NAALAD2: variants seen among roughly 807,000 people sequenced by gnomAD.
NAALAD2 encodes N-acetylated-alpha-linked acidic dipeptidase 2.
A neutral mutation model predicts 95.6 loss-of-function variants in NAALAD2; 89 were observed. The ratio of observed to expected loss-of-function variants is 0.93; its 90% confidence interval spans 0.78 to 1.11. The LOEUF (loss-of-function observed/expected upper bound fraction) is 1.11, where lower values mean the gene tolerates loss of function less well. Ranked by LOEUF, NAALAD2 falls within the 50% of genes least tolerant of loss-of-function variation. NAALAD2 has a pLI of 0.00. For missense variants in NAALAD2, 894 were observed against 872.4 expected, an observed-to-expected ratio of 1.02 and a Z score of -0.31; for synonymous variants, 264 against 294.4, an observed-to-expected ratio of 0.90 and a Z score of 1.06.
In NAALAD2 at chr11:90,159,297, T is replaced by A; in HGVS notation, c.949T>A (p.Tyr317Asn). The change falls in exon 8 of 19, where the codon TAT (tyrosine) becomes AAT (asparagine). Residue 317 changes from tyrosine to asparagine, a missense_variant. By Grantham distance (143) the Tyr-to-Asn change is moderately radical (BLOSUM62 -2). Transcript: ENST00000534061. ...TTGGAAGGGAGCCCTTAATGTGAGT[T>A]ATAGTATCGGACCTGGCTTTACAGG... Reference protein sequence around the residue: ...KSWKGALNVSYSIGPGFTGSD... With the variant: ...KSWKGALNVSNSIGPGFTGSD... 1 of 1,613,912 alleles carries A rather than the reference T, an allele frequency of 6.2e-7. No individual in the cohort carries two copies. The highest frequency in any genetic ancestry group is 1.1e-5 in the South Asian group (1 of 91,076).
chr11:90,163,173 T>C, intron 9 of NAALAD2, 137 bp from the exon 10 acceptor site: 1 of 1,242,598 alleles, frequency 8.0e-7, no homozygotes, highest in Non-Finnish European at 1.1e-6. Context: ...TGTACAAATC[T>C]AAAAGAAGAT....
intron 13 of NAALAD2, among the ~76,000 whole-genome samples, 165 bp downstream of exon 13, chr11:90,170,301 A>G (rs1239305925): frequency 6.6e-6 from 1 of 152,258 alleles, no homozygotes; most frequent in Non-Finnish European, 1.5e-5. Context: ...TATATGACAT[A>G]ACTAAGAAGA....
At chr11:90,151,848 A>G (rs1951895549) in intron 5 of NAALAD2, among the ~76,000 whole-genome samples, 1 of 152,188 alleles carries the variant, frequency 6.6e-6, no homozygotes, top group Admixed American at 6.5e-5. Context: ...GTTTAGTTCC[A>G]TAAATATTTG....
rs373811129 is a variant in NAALAD2, at chr11:90,182,279, ATG to A, written c.1940+582_1940+583del. On this transcript the variant is annotated intron_variant, in intron 17 of 18. Coordinates refer to ENST00000534061, the MANE Select transcript of NAALAD2 (RefSeq NM_005467.4). ...GTAACAAGCATAAATTTATCCACAG[ATG>A]TGTCCATGTCACATTTATTTTTTCA... Among the ~76,000 whole-genome samples the A allele has an allele frequency of 6.3e-3, 965 of 152,264 alleles. 17 individuals carry two copies. Among genetic ancestry groups the A allele is most frequent in the African/African-American group, 0.022 (917 of 41,552 alleles).
intron 18 of NAALAD2, among the ~76,000 whole-genome samples, chr11:90,185,157 A>G (rs1227506561): frequency 6.6e-6 from 1 of 151,638 alleles, no homozygotes; most frequent in African/African-American, 2.4e-5. Flanking sequence ...ACATTTATAT[A>G]TACATATATT....
chr11:90,178,924 G>T (rs953313293), intron 16 of NAALAD2, among the ~76,000 whole-genome samples: 3 of 152,148 alleles, frequency 2.0e-5, no homozygotes, highest in Non-Finnish European at 2.9e-5. Flanking sequence ...ATACAGCAAG[G>T]ATGACTCATA....
chr11:90,135,567 A>C lies in NAALAD2; in HGVS notation c.91A>C (p.Ile31Leu). ...FLMGFMVGWF[I>L]KPLKETTTSV... ...GTATTTTTTTTCCTTAGGCTGGTTT[A>C]TTAAGCCTCTCAAAGAAACGACCAC... Residue 31 changes from isoleucine to leucine, a missense_variant, in exon 2 of 19, where the codon ATT (isoleucine) becomes CTT (leucine). Physicochemically the swap from Ile to Leu is conservative, Grantham distance 5. Transcript: ENST00000534061. 2 of 1,608,864 alleles carry C rather than the reference A, an allele frequency of 1.2e-6. No homozygotes were observed. Among genetic ancestry groups the C allele is most frequent in the Non-Finnish European group, 1.7e-6 (2 of 1,177,176 alleles).
upstream of NAALAD2, chr11:90,131,766 G>T (rs7115478): frequency 7.8e-4 from 118 of 152,226 alleles, 1 homozygote; most frequent in African/African-American, 2.6e-3. Flanking sequence ...TGATGGAGAA[G>T]AGGAGGAAAA....
chr11:90,184,179 C>CA (rs750833278), intron 18 of NAALAD2, among the ~76,000 whole-genome samples: 6 of 151,896 alleles, frequency 4.0e-5, no homozygotes, highest in Non-Finnish European at 8.8e-5. Context: ...AAATAATATG[C>CA]AAAAAAGGTT....
In NAALAD2 at chr11:90,152,472, T is replaced by C; in HGVS notation, c.784T>C (p.Tyr262His). ...NGAGDPLTPG[Y>H]PAKEYTFRLD... is the part of the protein sequence containing the mutation. ...TGCTGGTGACCCACTCACTCCAGGC[T>C]ATCCAGCAAAAGGTAAGGGATGAGC... Residue 262 changes from tyrosine to histidine, a missense_variant, in exon 6 of 19, where the codon TAT becomes CAT. Transcript: ENST00000534061. 2 of 1,610,408 alleles carry C rather than the reference T, an allele frequency of 1.2e-6. No individual in the cohort carries two copies. Among genetic ancestry groups the C allele is most frequent in the Non-Finnish European group, 1.7e-6 (2 of 1,177,168 alleles).
chr11:90,181,606 T>C lies in NAALAD2; in HGVS notation c.1859-14T>C. On this transcript the variant is annotated splice_polypyrimidine_tract_variant and intron_variant, in intron 16 of 18. Transcript: ENST00000534061. ...TGAGCTAATTTCTCTTCTTCTTTTCTATTTTTAAAAAAGACTCCTTATTTT... is the reference window on the plus strand; with the variant it reads ...TGAGCTAATTTCTCTTCTTCTTTTCCATTTTTAAAAAAGACTCCTTATTTT... 7 of 1,560,864 alleles carry C rather than the reference T, an allele frequency of 4.5e-6. No individual in the cohort carries two copies. Among genetic ancestry groups the C allele is most frequent in the Non-Finnish European group, 6.1e-6 (7 of 1,138,964 alleles).
intron 2 of NAALAD2, among the ~76,000 whole-genome samples, chr11:90,140,702 G>A (rs1282214858): frequency 1.3e-5 from 2 of 152,088 alleles, no homozygotes; most frequent in African/African-American, 4.8e-5. Context: ...CAGATCAGAA[G>A]TTAAAACCTT....
At chr11:90,134,556 C>T, upstream of NAALAD2, 1 of 567,840 alleles carries the variant, frequency 1.8e-6, no homozygotes. Context: ...AAGAATGTCT[C>T]CTCCCTCTGC....
chr11:90,172,026 G>A (rs541505346), intron 13 of NAALAD2, among the ~76,000 whole-genome samples: 1 of 152,122 alleles, frequency 6.6e-6, no homozygotes, highest in Admixed American at 6.5e-5. Context: ...AAGCTGATCT[G>A]GATTTTCTAG....
At chr11:90,134,953 T>A in intron 1 of NAALAD2, 113 bp downstream of exon 1, 4 of 1,180,708 alleles carry the variant, frequency 3.4e-6, no homozygotes, top group Non-Finnish European at 3.8e-6. Flanking sequence ...CCTGGCCGGC[T>A]GGGCTAGATA....
chr11:90,155,402 ATAT>A (rs1199483814), intron 6 of NAALAD2, among the ~76,000 whole-genome samples: 1 of 82,194 alleles, frequency 1.2e-5, no homozygotes, highest in African/African-American at 5.9e-5. Context: ...TATATAATAT[ATAT>A]AATGTAATAT....
chr11:90,159,906 A>G (rs1000676423), intron 8 of NAALAD2, among the ~76,000 whole-genome samples: 12 of 113,942 alleles, frequency 1.1e-4, no homozygotes, highest in Non-Finnish European at 3.9e-5. Context: ...GTGAGCTGAG[A>G]TCGCGCCATT....
chr11:90,135,658 A>C lies in NAALAD2; in HGVS notation c.182A>C (p.Lys61Thr). The change falls in exon 2 of 19, where the codon AAA becomes ACA. Residue 61 changes from lysine to threonine, a missense_variant. By Grantham distance (78) the Lys-to-Thr change is moderately conservative. Transcript: ENST00000534061. ...TCCGAAATGAAAGCTGAAAACATCA[A>C]ATCATTTCTTCGGTAAGTTTATTTT... is the stretch of plus-strand genomic sequence containing the variant. ...LVSEMKAENIKSFLRSFTKLP... is the reference protein window; with the variant it reads ...LVSEMKAENITSFLRSFTKLP... 6.2e-7 allele frequency: 1 copy of C among 1,610,762 alleles called. No individual in the cohort carries two copies. Among genetic ancestry groups the C allele is most frequent in the South Asian group, 1.1e-5 (1 of 90,844 alleles).
intron 2 of NAALAD2, among the ~76,000 whole-genome samples, chr11:90,142,947 G>T (rs1590959218): frequency 6.6e-6 from 1 of 151,700 alleles, no homozygotes; most frequent in African/African-American, 2.4e-5. Flanking sequence ...ATTTACTACT[G>T]TGTCACTTAA....
Sources: gnomAD v4.1 joint callset for allele counts (sites outside exome capture counted in the v4.1 genomes callset) on GRCh38, gnomAD v4.1.1 for gene constraint, MANE v1.5 for transcripts, NCBI Gene and HGNC (gene_info 2026-07-23, HGNC 2026-07-21) for gene names.